The following FRMD4B variants were observed in gnomAD, a reference collection of about 807,000 sequenced individuals.
FRMD4B encodes FERM domain containing 4B.
A neutral mutation model predicts 141.5 loss-of-function variants in FRMD4B; 74 were observed. The observed-to-expected ratio is 0.52, with a 90% CI of 0.43 to 0.63. The LOEUF (loss-of-function observed/expected upper bound fraction) is 0.63, where lower values mean the gene tolerates loss of function less well. Ranked by LOEUF, FRMD4B falls within the 30% of genes least tolerant of loss-of-function variation. The pLI, the probability that FRMD4B is intolerant of heterozygous loss-of-function variation, is 0.00. For missense variants in FRMD4B, 1,366 were observed against 1,253.4 expected (o/e 1.09, Z -1.36); for synonymous variants, 506 against 467.9 (o/e 1.08, Z -1.05).
intron 5 of FRMD4B, among the ~76,000 whole-genome samples, chr3:69,281,819 G>A (rs1462624114): frequency 2.4e-4 from 7 of 29,776 alleles, no homozygotes; most frequent in East Asian, 2.5e-3. Context: ...GTAAGACTCC[G>A]TCTCAAAAAA....
chr3:69,413,459 G>A (rs1345292796), intron 2 of FRMD4B, among the ~76,000 whole-genome samples: 1 of 152,056 alleles, frequency 6.6e-6, no homozygotes, highest in African/African-American at 2.4e-5. Context: ...CTGACTGAAT[G>A]CAATTAGGCA....
At chr3:69,486,939 C>T (rs1433332662) in intron 1 of FRMD4B, among the ~76,000 whole-genome samples, 2 of 152,100 alleles carry the variant, frequency 1.3e-5, no homozygotes, top group East Asian at 1.9e-4. Flanking sequence ...AAAACATGCC[C>T]CTGCCCCCAA....
chr3:69,196,216 TA>T, intron 14 of FRMD4B, 38 bp downstream of exon 14: 2 of 1,507,284 alleles, frequency 1.3e-6, no homozygotes, highest in Non-Finnish European at 1.8e-6. Flanking sequence ...ACAAACGAAA[TA>T]AAGATGGCTT....
At chr3:69,522,335 A>C (rs1276379867) in intron 1 of FRMD4B, among the ~76,000 whole-genome samples, 1 of 151,938 alleles carries the variant, frequency 6.6e-6, no homozygotes, top group Non-Finnish European at 1.5e-5. Context: ...CAGGCCCTAG[A>C]TCTTCTCTAT....
intron 3 of FRMD4B, among the ~76,000 whole-genome samples, chr3:69,310,671 T>G (rs1159908513): frequency 2.0e-5 from 3 of 152,110 alleles, no homozygotes; most frequent in Non-Finnish European, 4.4e-5. Context: ...TGAATTTATT[T>G]TTATTTACCT....
In FRMD4B at chr3:69,438,453, G is replaced by A. The variant is rs1030923368; in HGVS notation, c.-128-5692C>T. On this transcript the variant is annotated intron_variant, in intron 1 of 5. Transcript: ENST00000459638. ...ATAAAAATATGTTCAAGACAAAAAAGGATATAGAAGCAAAATTGTAGGAAT... is the reference window on the plus strand; with the variant it reads ...ATAAAAATATGTTCAAGACAAAAAAAGATATAGAAGCAAAATTGTAGGAAT... Among the ~76,000 whole-genome samples the A allele has an allele frequency of 4.6e-5, 7 of 152,136 alleles. No homozygotes were observed. The South Asian group carries it at 1.5e-3, about 32-fold the overall frequency.
intron 1 of FRMD4B, among the ~76,000 whole-genome samples, chr3:69,507,131 T>C (rs1498852): frequency 0.6 from 90,863 of 152,014 alleles, 29,194 homozygotes; most frequent in African/African-American, 0.86. Context: ...TAGCCTTTAA[T>C]GGAGCTGTTT....
chr3:69,536,544 T>C, intron 1 of FRMD4B: 1 of 692,906 alleles, frequency 1.4e-6, no homozygotes, highest in Non-Finnish European at 2.7e-6. Flanking sequence ...GGGTGGGGAA[T>C]AGGGGGGATG....
At chr3:69,399,905 T>C (rs1575788178) in intron 2 of FRMD4B, among the ~76,000 whole-genome samples, 1 of 152,340 alleles carries the variant, frequency 6.6e-6, no homozygotes, top group East Asian at 1.9e-4. Context: ...CATTGCTTAG[T>C]ATTAGGTTGG....
chr3:69,225,493 G>A (rs1358521822), intron 7 of FRMD4B, among the ~76,000 whole-genome samples: 9 of 127,810 alleles, frequency 7.0e-5, no homozygotes, highest in Non-Finnish European at 1.4e-4. Context: ...GGCTAACACG[G>A]TGAAACCCTG....
At position 69,245,720 on chromosome 3, in the gene FRMD4B, G is replaced by A. The variant is rs768191852; in HGVS notation, c.581+3506C>T. Among the ~76,000 whole-genome samples the A allele has an allele frequency of 5.9e-4, 87 of 146,406 alleles. 1 individual carries two copies. The highest frequency in any genetic ancestry group is 2.1e-4 in the Non-Finnish European group (14 of 67,102). On this transcript the variant is annotated intron_variant, in intron 7 of 22. Coordinates refer to ENST00000398540, the MANE Select transcript of FRMD4B (RefSeq NM_015123.3). ...ACTCTGTCATCCAGGATGGAGTGCA[G>A]TGGCACCACCTTGGCTCACTGCAAC...
chr3:69,470,704 T>G (rs969000632), intron 1 of FRMD4B, among the ~76,000 whole-genome samples: 1 of 152,110 alleles, frequency 6.6e-6, no homozygotes, highest in East Asian at 1.9e-4. Flanking sequence ...CAGCAAGCAG[T>G]TTCAGTAACC....
intron 1 of FRMD4B, among the ~76,000 whole-genome samples, chr3:69,530,299 G>A (rs1575602228): frequency 6.6e-6 from 1 of 152,318 alleles, no homozygotes; most frequent in South Asian, 2.1e-4. Flanking sequence ...CATGGGGATG[G>A]ATCCCTCATG....
intron 1 of FRMD4B, among the ~76,000 whole-genome samples, chr3:69,330,018 A>T (rs1260633654): frequency 1.3e-5 from 2 of 152,080 alleles, no homozygotes; most frequent in African/African-American, 4.8e-5. Context: ...GGCAACTCTC[A>T]TATCAGATCC....
intron 1 of FRMD4B, among the ~76,000 whole-genome samples, chr3:69,533,568 T>A (rs1436476040): frequency 1.3e-5 from 2 of 152,232 alleles, no homozygotes; most frequent in Non-Finnish European, 2.9e-5. Context: ...TAGTGGGGCT[T>A]GTGCTTTGAA....
At chr3:69,244,565 G>A (rs1386030250) in intron 7 of FRMD4B, among the ~76,000 whole-genome samples, 2 of 152,110 alleles carry the variant, frequency 1.3e-5, no homozygotes, top group Admixed American at 6.6e-5. Context: ...CCCAGGAGGT[G>A]GAGGTTGCAG....
intron 3 of FRMD4B, among the ~76,000 whole-genome samples, chr3:69,306,184 G>A (rs1391738025): frequency 1.3e-5 from 2 of 152,104 alleles, no homozygotes; most frequent in African/African-American, 4.8e-5. Flanking sequence ...GAAATATAAA[G>A]GTTACTTATT....
intron 1 of FRMD4B, among the ~76,000 whole-genome samples, chr3:69,440,459 T>G (rs1399589480): frequency 6.6e-6 from 1 of 152,228 alleles, no homozygotes; most frequent in Non-Finnish European, 1.5e-5. Flanking sequence ...TATAATAAAT[T>G]TTGATAGAGG....
intron 1 of FRMD4B, among the ~76,000 whole-genome samples, chr3:69,452,081 G>A (rs992392401): frequency 7.9e-5 from 12 of 152,242 alleles, no homozygotes; most frequent in Non-Finnish European, 1.3e-4. Context: ...AATTCAACAC[G>A]AACTTTATAA....
Sources: gnomAD v4.1 joint callset for allele counts (sites outside exome capture counted in the v4.1 genomes callset) on GRCh38, gnomAD v4.1.1 for gene constraint, MANE v1.5 for transcripts, NCBI Gene and HGNC (gene_info 2026-07-23, HGNC 2026-07-21) for gene names.